Variants in BICD1 observed in about 807,000 individuals in gnomAD.
The protein encoded by BICD1 is protein bicaudal D homolog 1.
BICD1 carries 35 observed loss-of-function variants against 92.5 expected under a neutral mutation model. The observed-to-expected ratio is 0.38, with a 90% confidence interval of 0.29 to 0.50. BICD1 has a LOEUF of 0.50. Ranked by LOEUF, BICD1 falls within the 20% of genes least tolerant of loss-of-function variation. BICD1 has a pLI of 0.93. For synonymous variants in BICD1, 429 were observed against 465.1 expected, an observed-to-expected ratio of 0.92 and a Z score of 1.00; for missense variants, 950 against 1,189.8, an observed-to-expected ratio of 0.80 and a Z score of 2.97.
chr12:32,204,376 G>C (rs1395928762), intron 1 of BICD1, among the ~76,000 whole-genome samples: 1 of 151,748 alleles, frequency 6.6e-6, no homozygotes, highest in East Asian at 1.9e-4. Context: ...AATGTGAATG[G>C]TCAATAAAAA....
At chr12:32,363,439 G>A (rs1939408435) in intron 8 of BICD1, among the ~76,000 whole-genome samples, 1 of 152,066 alleles carries the variant, frequency 6.6e-6, no homozygotes, top group South Asian at 2.1e-4. Context: ...CCAAGCCTGT[G>A]GCCTTATCAT....
intron 1 of BICD1, among the ~76,000 whole-genome samples, chr12:32,118,087 A>ATTTTATTTTAT (rs372015819): frequency 5.5e-5 from 7 of 128,410 alleles, no homozygotes; most frequent in African/African-American, 8.6e-5. Flanking sequence ...ATTTTATTTT[A>ATTTTATTTTAT]TTTATTTTTT....
At chr12:32,124,699 G>A (rs1397956225) in intron 1 of BICD1, among the ~76,000 whole-genome samples, 3 of 152,138 alleles carry the variant, frequency 2.0e-5, no homozygotes, top group South Asian at 2.1e-4. Context: ...GGGATTTTCC[G>A]GGGAGAGAAG....
At chr12:32,230,678 C>G (rs1945857621) in intron 2 of BICD1, among the ~76,000 whole-genome samples, 1 of 152,154 alleles carries the variant, frequency 6.6e-6, no homozygotes, top group African/African-American at 2.4e-5. Flanking sequence ...GGAGAATGCT[C>G]TGAAAGCAGC....
At chr12:32,376,700 A>G (rs56146365) in intron 9 of BICD1, among the ~76,000 whole-genome samples, 74,391 of 151,282 alleles carry the variant, frequency 0.49, 18,495 homozygotes, top group East Asian at 0.59. Flanking sequence ...AAACCCCATC[A>G]CTACTGAAAA....
At chr12:32,113,941 G>T (rs1432796209) in intron 1 of BICD1, among the ~76,000 whole-genome samples, 1 of 150,482 alleles carries the variant, frequency 6.6e-6, no homozygotes, top group Non-Finnish European at 1.5e-5. Context: ...GCGCAATCTC[G>T]GCTTACTGCA....
intron 2 of BICD1, among the ~76,000 whole-genome samples, chr12:32,279,300 T>C (rs1947356803): frequency 6.6e-6 from 1 of 152,172 alleles, no homozygotes; most frequent in African/African-American, 2.4e-5. Flanking sequence ...CTAAATTGAT[T>C]GCGGTGGTGG....
chr12:32,187,372 G>A (rs1323962615), intron 1 of BICD1, among the ~76,000 whole-genome samples: 1 of 152,122 alleles, frequency 6.6e-6, no homozygotes, highest in Non-Finnish European at 1.5e-5. Flanking sequence ...ATGCATTGTG[G>A]TTTTGAAAAT....
At chr12:32,365,663 C>T (rs1169085795) in intron 8 of BICD1, among the ~76,000 whole-genome samples, 1 of 152,114 alleles carries the variant, frequency 6.6e-6, no homozygotes, top group African/African-American at 2.4e-5. Context: ...CAGCACACAC[C>T]TGGTTGACTT....
intron 1 of BICD1, among the ~76,000 whole-genome samples, chr12:32,110,646 GC>G (rs1941649884): frequency 1.3e-5 from 2 of 152,200 alleles, no homozygotes; most frequent in South Asian, 4.1e-4. Context: ...TGTCACCCAG[GC>G]CAGAATAGTG....
intron 1 of BICD1, among the ~76,000 whole-genome samples, chr12:32,193,573 T>G (rs996747470): frequency 3.3e-5 from 5 of 152,168 alleles, no homozygotes; most frequent in African/African-American, 1.2e-4. Context: ...GAGACTACTG[T>G]GAATAATTGT....
intron 4 of BICD1, among the ~76,000 whole-genome samples, chr12:32,310,824 GATAAA>G: frequency 6.6e-6 from 1 of 152,124 alleles, no homozygotes; most frequent in Non-Finnish European, 1.5e-5. Flanking sequence ...TGTTGTACAT[GATAAA>G]TATGTACAAT....
At chr12:32,138,981 A>G (rs1240639263) in intron 1 of BICD1, among the ~76,000 whole-genome samples, 1 of 152,220 alleles carries the variant, frequency 6.6e-6, no homozygotes, top group Non-Finnish European at 1.5e-5. Context: ...TGATTAATTT[A>G]TATCCTTCAA....
At chr12:32,116,486 C>CTT (rs1941906709) in intron 1 of BICD1, among the ~76,000 whole-genome samples, 18 of 117,204 alleles carry the variant, frequency 1.5e-4, no homozygotes, top group African/African-American at 5.2e-4. Context: ...CTCTCTCTCT[C>CTT]TCTCTTTCTC....
intron 1 of BICD1, among the ~76,000 whole-genome samples, chr12:32,202,605 GTTTA>G (rs1944938561): frequency 1.3e-5 from 2 of 152,112 alleles, no homozygotes; most frequent in South Asian, 2.1e-4. Context: ...AAAGTTTATT[GTTTA>G]TTTATTTATT....
chr12:32,359,248 T>C (rs576207028), intron 8 of BICD1, among the ~76,000 whole-genome samples: 88 of 152,322 alleles, frequency 5.8e-4, no homozygotes, highest in Non-Finnish European at 8.1e-4. Flanking sequence ...GTTTATAAGA[T>C]TTTTGGTCTA....
At chr12:32,145,951 A>G (rs1165719757) in intron 1 of BICD1, among the ~76,000 whole-genome samples, 1 of 152,236 alleles carries the variant, frequency 6.6e-6, no homozygotes, top group East Asian at 1.9e-4. Context: ...TATGTGAGGC[A>G]CTATATTAGG....
intron 1 of BICD1, among the ~76,000 whole-genome samples, chr12:32,125,058 C>T (rs1942281459): frequency 6.6e-6 from 1 of 152,196 alleles, no homozygotes; most frequent in African/African-American, 2.4e-5. Context: ...TTCTGGGCTC[C>T]TGTGAATTAG....
intron 2 of BICD1, among the ~76,000 whole-genome samples, chr12:32,286,418 C>T (rs1947568533): frequency 6.6e-6 from 1 of 151,496 alleles, no homozygotes; most frequent in Non-Finnish European, 1.5e-5. Context: ...ATAGATTTTT[C>T]AAGAAAGAAA....
Sources: allele counts gnomAD v4.1 joint callset (sites outside exome capture counted in the v4.1 genomes callset), GRCh38; gene constraint gnomAD v4.1.1; transcripts MANE v1.5; gene names NCBI Gene and HGNC (gene_info 2026-07-23, HGNC 2026-07-21).